TEX36: variants seen among roughly 807,000 people sequenced by gnomAD.
The protein encoded by TEX36 is testis-expressed protein 36.
A neutral mutation model predicts 13.6 loss-of-function variants in TEX36; 12 were observed. The observed-to-expected ratio is 0.88, with a 90% CI of 0.56 to 1.43. The LOEUF (loss-of-function observed/expected upper bound fraction) is 1.43, where lower values mean the gene tolerates loss of function less well. Among genes scored for constraint, TEX36 ranks in the 40% most tolerant of loss-of-function variants. The probability of loss-of-function intolerance (pLI) is 0.00; values close to 1 mark genes in which losing one functional copy is unlikely to be tolerated. For missense variants in TEX36, 224 were observed against 228.3 expected (o/e 0.98, Z 0.12); for synonymous variants, 93 against 83.0 (o/e 1.12, Z -0.65).
chr10:125,577,737 A>G (rs978171248), intron 3 of TEX36, among the ~76,000 whole-genome samples: 3 of 152,218 alleles, frequency 2.0e-5, no homozygotes, highest in African/African-American at 7.2e-5. Flanking sequence ...ACTTAAAATT[A>G]TAACAGAAGG....
At chr10:125,661,283 G>A (rs1269754191) in intron 2 of TEX36, among the ~76,000 whole-genome samples, 182 bp from the exon 3 acceptor site, 1 of 152,142 alleles carries the variant, frequency 6.6e-6, no homozygotes, top group African/African-American at 2.4e-5. Context: ...GCTCATCAGC[G>A]CCGGGCTTTG....
chr10:125,586,973 C>G (rs77100178), intron 3 of TEX36, among the ~76,000 whole-genome samples: 2,377 of 152,100 alleles, frequency 0.016, 59 homozygotes, highest in African/African-American at 0.053. Flanking sequence ...ATAGAGTCCT[C>G]TTAAGATCCA....
chr10:125,603,432 C>T (rs929800692), intron 3 of TEX36, among the ~76,000 whole-genome samples: 4 of 151,968 alleles, frequency 2.6e-5, no homozygotes, highest in Non-Finnish European at 4.4e-5. Context: ...GTTGCCTGAG[C>T]CCATTTCCCC....
intron 3 of TEX36, among the ~76,000 whole-genome samples, chr10:125,633,552 A>C (rs1846586467): frequency 6.6e-6 from 1 of 152,224 alleles, no homozygotes; most frequent in Admixed American, 6.5e-5. Context: ...GCCCCAACAC[A>C]AAGGTTCTGA....
At chr10:125,659,937 G>C (rs1278506955) in intron 3 of TEX36, among the ~76,000 whole-genome samples, 4 of 152,162 alleles carry the variant, frequency 2.6e-5, no homozygotes, top group Non-Finnish European at 5.9e-5. Context: ...CAGTCTGGTA[G>C]CCCCTAGCCA....
intron 1 of TEX36, among the ~76,000 whole-genome samples, chr10:125,679,254 C>T (rs977191767): frequency 2.0e-5 from 3 of 152,090 alleles, no homozygotes; most frequent in South Asian, 4.2e-4. Context: ...AGCTGCAGCC[C>T]GTGCCTCAGT....
chr10:125,585,438 T>C (rs1374622395), intron 3 of TEX36, among the ~76,000 whole-genome samples: 3 of 152,126 alleles, frequency 2.0e-5, no homozygotes, highest in Admixed American at 2.0e-4. Flanking sequence ...GCAAGGTCTC[T>C]TCAACCTTCT....
chr10:125,639,560 T>C lies in TEX36; in HGVS notation c.265-17915A>G, dbSNP rs150990981. Reference sequence around the variant, plus strand: ...ATTGTGTTCATACCAATACACATGATACTGTGGCTACATCACCTGTCCCAA... The same window carrying C: ...ATTGTGTTCATACCAATACACATGACACTGTGGCTACATCACCTGTCCCAA... On this transcript the variant is annotated intron_variant, in intron 3 of 3. Transcript: ENST00000526819. Among the ~76,000 whole-genome samples, 1,163 of 142,864 alleles carry C rather than the reference T, an allele frequency of 8.1e-3. 5 individuals carry two copies. Among genetic ancestry groups the C allele is most frequent in the Middle Eastern group, 0.037 (10 of 270 alleles). 93.7% of individuals were successfully genotyped at this position (142,864 alleles called of 152,430 possible).
intron 3 of TEX36, among the ~76,000 whole-genome samples, chr10:125,623,168 C>T (rs1304343937): frequency 1.3e-5 from 2 of 152,186 alleles, no homozygotes; most frequent in African/African-American, 2.4e-5. Flanking sequence ...AGTATCATCA[C>T]CTAGTTGGTG....
chr10:125,588,588 T>A (rs546111138), intron 3 of TEX36, among the ~76,000 whole-genome samples: 1 of 114,732 alleles, frequency 8.7e-6, no homozygotes. Context: ...GGCCCCAGGC[T>A]CTTGGTTTGT....
chr10:125,577,648 T>C (rs923125471), intron 3 of TEX36, among the ~76,000 whole-genome samples: 138 of 152,376 alleles, frequency 9.1e-4, no homozygotes, highest in African/African-American at 3.3e-3. Context: ...TTCCTCCAAG[T>C]CTTTTTTCTC....
At chr10:125,623,385 C>G (rs1388840835) in intron 3 of TEX36, among the ~76,000 whole-genome samples, 1 of 152,154 alleles carries the variant, frequency 6.6e-6, no homozygotes, top group Non-Finnish European at 1.5e-5. Context: ...AAGACACACC[C>G]AGAAACAATC....
At chr10:125,682,810 T>G in intron 1 of TEX36, 129 bp downstream of exon 1, 5 of 1,016,952 alleles carry the variant, frequency 4.9e-6, no homozygotes, top group Non-Finnish European at 7.5e-6. Flanking sequence ...GAAACTGAGG[T>G]TGAGTAAAGT....
At chr10:125,627,962 G>T (rs1846507193) in intron 3 of TEX36, among the ~76,000 whole-genome samples, 1 of 152,124 alleles carries the variant, frequency 6.6e-6, no homozygotes, top group South Asian at 2.1e-4. Context: ...ACTTGTCCAG[G>T]CTAACTGAAG....
chr10:125,635,613 G>A (rs546194820), intron 3 of TEX36, among the ~76,000 whole-genome samples: 9 of 152,270 alleles, frequency 5.9e-5, no homozygotes, highest in Admixed American at 2.0e-4. Flanking sequence ...GAAGTTCACC[G>A]TCTTTCTCTT....
chr10:125,631,902 T>C (rs1440982747), intron 3 of TEX36, among the ~76,000 whole-genome samples: 1 of 152,042 alleles, frequency 6.6e-6, no homozygotes, highest in Non-Finnish European at 1.5e-5. Context: ...GTGGGGAGCC[T>C]GGCATGGTCT....
intron 3 of TEX36, among the ~76,000 whole-genome samples, chr10:125,611,402 C>A (rs1041765615): frequency 6.6e-6 from 1 of 152,124 alleles, no homozygotes; most frequent in Non-Finnish European, 1.5e-5. Context: ...AATTTCATAA[C>A]CTGAATAAAT....
chr10:125,592,029 C>T (rs7080804), intron 3 of TEX36, among the ~76,000 whole-genome samples: 1 of 152,174 alleles, frequency 6.6e-6, no homozygotes, highest in Non-Finnish European at 1.5e-5. Context: ...GTTGAATGTG[C>T]TTATTGTTCC....
intron 3 of TEX36, among the ~76,000 whole-genome samples, chr10:125,646,500 T>C (rs1589770783): frequency 6.6e-6 from 1 of 152,196 alleles, no homozygotes; most frequent in South Asian, 2.1e-4. Context: ...AATTGAGTTA[T>C]GTTTTCACCT....
Sources: gnomAD v4.1 joint callset for allele counts (sites outside exome capture counted in the v4.1 genomes callset) on GRCh38, gnomAD v4.1.1 for gene constraint, MANE v1.5 for transcripts, NCBI Gene and HGNC (gene_info 2026-07-23, HGNC 2026-07-21) for gene names.